Variants in AAMDC observed in about 807,000 individuals in gnomAD.
The protein encoded by AAMDC is adipogenesis associated Mth938 domain containing, also known as mth938 domain-containing protein.
Under a neutral mutation model 15.5 loss-of-function variants are expected in AAMDC, and 16 were observed. The ratio of observed to expected loss-of-function variants is 1.03; its 90% CI spans 0.70 to 1.57. AAMDC has a LOEUF of 1.57. Among genes scored for constraint, AAMDC ranks in the 40% most tolerant of loss-of-function variants. The pLI is 0.00. For missense variants in AAMDC, 141 were observed against 144.9 expected (o/e 0.97, Z 0.14); for synonymous variants, 51 against 51.6 (o/e 0.99, Z 0.05).
chr11:77,883,959 G>A (rs759257060), intron 5 of AAMDC: 2 of 1,611,718 alleles, frequency 1.2e-6, no homozygotes, highest in Admixed American at 1.7e-5. Context: ...AGACCTAAAG[G>A]GTGACAGAAA....
chr11:77,846,768 C>T (rs1275996898), intron 2 of AAMDC, among the ~76,000 whole-genome samples: 1 of 152,130 alleles, frequency 6.6e-6, no homozygotes, highest in African/African-American at 2.4e-5. Flanking sequence ...TGATCTCTCC[C>T]AGTTTTTATT....
At chr11:77,893,154 G>A (rs543533793) in intron 5 of AAMDC, among the ~76,000 whole-genome samples, 123 of 152,240 alleles carry the variant, frequency 8.1e-4, no homozygotes, top group African/African-American at 2.8e-3. Context: ...TCACTCCCTC[G>A]ACTCCTATTT....
chr11:77,901,640 T>C, downstream of AAMDC: 2 of 945,852 alleles, frequency 2.1e-6, no homozygotes, highest in Non-Finnish European at 3.3e-6. Context: ...TGACCTTAGG[T>C]GAAACTCTTA....
At chr11:77,872,354 GC>G (rs1275488280), downstream of AAMDC, 13 of 1,572,838 alleles carry the variant, frequency 8.3e-6, no homozygotes, top group Non-Finnish European at 1.1e-5. Context: ...AAGTGCCTAT[GC>G]CTGTGACTGT....
chr11:77,878,180 GT>G (rs751503064), intron 5 of AAMDC, among the ~76,000 whole-genome samples: 11 of 151,984 alleles, frequency 7.2e-5, no homozygotes, highest in South Asian at 4.1e-4. Flanking sequence ...GGCTAACATG[GT>G]GAAACCCCGT....
intron 2 of AAMDC, among the ~76,000 whole-genome samples, chr11:77,853,453 A>G (rs1428607911): frequency 6.6e-6 from 1 of 152,120 alleles, no homozygotes; most frequent in Admixed American, 6.6e-5. Context: ...TTAAACAACC[A>G]GAACTCATGA....
At chr11:77,893,204 A>G (rs1229995029) in intron 5 of AAMDC, among the ~76,000 whole-genome samples, 1 of 152,254 alleles carries the variant, frequency 6.6e-6, no homozygotes, top group Non-Finnish European at 1.5e-5. Context: ...ATGTGCTTTA[A>G]CGGATTCATT....
At chr11:77,874,696 C>G (rs2136330781), downstream of AAMDC, among the ~76,000 whole-genome samples, 1 of 152,292 alleles carries the variant, frequency 6.6e-6, no homozygotes, top group Non-Finnish European at 1.5e-5. Flanking sequence ...GTAGGTAGAA[C>G]AGCCCTCAAG....
At chr11:77,826,401 T>G (rs1329195350) in intron 1 of AAMDC, among the ~76,000 whole-genome samples, 3 of 152,112 alleles carry the variant, frequency 2.0e-5, no homozygotes, top group South Asian at 4.2e-4. Context: ...TTATTATGTT[T>G]TATGTCTTTT....
At chr11:77,899,743 A>G (rs1952695605) in intron 5 of AAMDC, among the ~76,000 whole-genome samples, 2 of 152,136 alleles carry the variant, frequency 1.3e-5, no homozygotes, top group South Asian at 4.1e-4. Flanking sequence ...ATCTTTATAT[A>G]ATGACATGAC....
At chr11:77,847,989 T>TA (rs1297094822) in intron 2 of AAMDC, among the ~76,000 whole-genome samples, 1 of 152,166 alleles carries the variant, frequency 6.6e-6, no homozygotes, top group African/African-American at 2.4e-5. Flanking sequence ...TTCCTCTGCT[T>TA]TATGTTCTTT....
intron 2 of AAMDC, among the ~76,000 whole-genome samples, chr11:77,859,926 C>T (rs148857346): frequency 2.0e-3 from 310 of 152,230 alleles, no homozygotes; most frequent in African/African-American, 6.9e-3. Flanking sequence ...GTGAGTATGC[C>T]GTTCACATCA....
chr11:77,899,810 T>G (rs185793775), intron 5 of AAMDC, among the ~76,000 whole-genome samples: 1 of 152,288 alleles, frequency 6.6e-6, no homozygotes, highest in East Asian at 1.9e-4. Flanking sequence ...CAGCAAAGTA[T>G]GGTATGATCC....
intron 5 of AAMDC, chr11:77,884,917 G>T: frequency 4.3e-6 from 1 of 233,124 alleles, no homozygotes; most frequent in South Asian, 4.8e-5. Context: ...ACCACGCCAG[G>T]TAATTTTCTT....
At chr11:77,835,780 G>T (rs1949655811) in intron 1 of AAMDC, among the ~76,000 whole-genome samples, 1 of 152,200 alleles carries the variant, frequency 6.6e-6, no homozygotes, top group East Asian at 1.9e-4. Flanking sequence ...AATTAACCAG[G>T]CGTGGTGGCA....
rs187900167 is a variant in AAMDC, at chr11:77,882,841, C to T, written c.328+5792C>T. ...ATCCCACTACTTTGGGAGGCCAAGG[C>T]GGGTGGATCACCTGAGGTCAGGAGT... On this transcript the variant is annotated intron_variant, in intron 5 of 5. Coordinates refer to the AAMDC transcript ENST00000304716. Among the ~76,000 whole-genome samples the T allele has an allele frequency of 3.8e-3, 585 of 152,296 alleles. 1 individual carries two copies. The highest frequency in any genetic ancestry group is 6.1e-3 in the Non-Finnish European group (412 of 68,028).
intron 5 of AAMDC, among the ~76,000 whole-genome samples, chr11:77,877,645 C>G (rs571504201): frequency 6.6e-6 from 1 of 152,290 alleles, no homozygotes; most frequent in African/African-American, 2.4e-5. Flanking sequence ...ACAGTAATAG[C>G]CTCATTTGGC....
intron 2 of AAMDC, among the ~76,000 whole-genome samples, chr11:77,861,799 T>A (rs188992368): frequency 9.2e-5 from 14 of 152,298 alleles, no homozygotes; most frequent in Admixed American, 7.8e-4. Context: ...GCCTTTTTTT[T>A]ATCCCATTTG....
At chr11:77,874,368 C>T (rs1436599116), downstream of AAMDC, among the ~76,000 whole-genome samples, 8 of 150,416 alleles carry the variant, frequency 5.3e-5, no homozygotes, top group African/African-American at 7.4e-5. Flanking sequence ...TCTAGTGATG[C>T]AGTCTTTTTT....
Sources: allele counts gnomAD v4.1 joint callset (sites outside exome capture counted in the v4.1 genomes callset), GRCh38; gene constraint gnomAD v4.1.1; transcripts MANE v1.5; gene names NCBI Gene and HGNC (gene_info 2026-07-23, HGNC 2026-07-21).